The following RIMS2 variants were observed in gnomAD, a reference collection of about 807,000 sequenced individuals.
The protein encoded by RIMS2 is regulating synaptic membrane exocytosis 2, also known as regulating synaptic membrane exocytosis protein 2.
In RIMS2, 59 loss-of-function variants were observed where a neutral mutation model predicts 174.4. That is an observed-to-expected ratio of 0.34 (90% CI 0.27 to 0.42). RIMS2 has a LOEUF of 0.42. RIMS2 is among the 10% of genes least tolerant of loss of function. The pLI, the probability that RIMS2 is intolerant of heterozygous loss-of-function variation, is 1.00. For missense variants in RIMS2, 1,620 were observed against 1,666.3 expected (o/e 0.97, Z 0.48); for synonymous variants, 606 against 572.5 (o/e 1.06, Z -0.84).
chr8:103,912,447 G>A (rs564212971), intron 6 of RIMS2, among the ~76,000 whole-genome samples: 13 of 151,946 alleles, frequency 8.6e-5, no homozygotes, highest in South Asian at 2.1e-4. Context: ...TACAGTGGTC[G>A]AATGTATTTT....
chr8:103,580,579 G>C (rs1215625597), intron 1 of RIMS2, among the ~76,000 whole-genome samples: 1 of 152,034 alleles, frequency 6.6e-6, no homozygotes, highest in Admixed American at 6.6e-5. Flanking sequence ...TAAATCTAAT[G>C]GGAGAGATAG....
chr8:103,834,509 C>T (rs1388020561), intron 3 of RIMS2, among the ~76,000 whole-genome samples: 1 of 150,926 alleles, frequency 6.6e-6, no homozygotes, highest in Non-Finnish European at 1.5e-5. Context: ...AGAAGAGCTC[C>T]TTGAAGTCTT....
At chr8:103,971,539 T>C (rs1237400813) in intron 15 of RIMS2, among the ~76,000 whole-genome samples, 2 of 152,110 alleles carry the variant, frequency 1.3e-5, no homozygotes, top group Non-Finnish European at 2.9e-5. Context: ...TCAACCTTAA[T>C]AAACTTTTCT....
At chr8:103,960,070 A>AT (rs1046493801) in intron 14 of RIMS2, among the ~76,000 whole-genome samples, 4 of 152,150 alleles carry the variant, frequency 2.6e-5, no homozygotes, top group African/African-American at 7.2e-5. Flanking sequence ...CAGGAGCTGG[A>AT]TTTTTTTAAA....
At chr8:103,687,585 A>G (rs907407262) in intron 1 of RIMS2, among the ~76,000 whole-genome samples, 4 of 152,078 alleles carry the variant, frequency 2.6e-5, no homozygotes, top group South Asian at 2.1e-4. Context: ...GTTATTAACT[A>G]TAGACATCAT....
intron 3 of RIMS2, among the ~76,000 whole-genome samples, chr8:103,859,930 C>CT (rs1321358015): frequency 6.6e-6 from 1 of 152,032 alleles, no homozygotes; most frequent in Non-Finnish European, 1.5e-5. Context: ...TGGACAGACT[C>CT]TATCACTTGG....
At chr8:103,761,694 T>C (rs555735750) in intron 2 of RIMS2, among the ~76,000 whole-genome samples, 1 of 152,338 alleles carries the variant, frequency 6.6e-6, no homozygotes, top group African/African-American at 2.4e-5. Flanking sequence ...AGTTGTTGAA[T>C]AGCTAGCCAG....
chr8:103,579,948 G>C (rs1554646642), intron 1 of RIMS2, among the ~76,000 whole-genome samples: 5 of 152,134 alleles, frequency 3.3e-5, no homozygotes, highest in Non-Finnish European at 1.5e-5. Context: ...TAAACAACCA[G>C]ATCTGGTGAG....
chr8:104,088,222 T>G (rs1566291295), intron 19 of RIMS2, among the ~76,000 whole-genome samples: 1 of 152,118 alleles, frequency 6.6e-6, no homozygotes. Flanking sequence ...AGAGAAAAAG[T>G]ACCTGCAATT....
chr8:103,612,266 C>G (rs181067511), intron 1 of RIMS2, among the ~76,000 whole-genome samples: 2 of 152,250 alleles, frequency 1.3e-5, no homozygotes, highest in East Asian at 3.9e-4. Context: ...ACATGTCTCT[C>G]TATTTTCAGG....
chr8:103,642,599 T>G (rs2096252316), intron 1 of RIMS2, among the ~76,000 whole-genome samples: 2 of 152,130 alleles, frequency 1.3e-5, no homozygotes, highest in African/African-American at 2.4e-5. Flanking sequence ...TAATATTCCT[T>G]GCAAGGCAGA....
chr8:104,175,411 G>A (rs955617248), intron 19 of RIMS2, among the ~76,000 whole-genome samples: 2 of 151,838 alleles, frequency 1.3e-5, no homozygotes, highest in African/African-American at 4.8e-5. Flanking sequence ...AGGGTAAATG[G>A]GGTCTCTATC....
chr8:104,046,238 T>A (rs949412862), intron 19 of RIMS2, among the ~76,000 whole-genome samples: 1 of 151,970 alleles, frequency 6.6e-6, no homozygotes, highest in Admixed American at 6.6e-5. Context: ...CCCTTTGTCT[T>A]AATATGAGAG....
intron 14 of RIMS2, among the ~76,000 whole-genome samples, chr8:103,957,429 TA>T (rs1338724397): frequency 6.6e-6 from 1 of 152,028 alleles, no homozygotes; most frequent in African/African-American, 2.4e-5. Flanking sequence ...TATGCAGCCA[TA>T]AAAAGGATGA....
At chr8:104,225,488 T>C (rs1330311296) in intron 19 of RIMS2, among the ~76,000 whole-genome samples, 1 of 152,238 alleles carries the variant, frequency 6.6e-6, no homozygotes, top group Non-Finnish European at 1.5e-5. Context: ...TTTTTATTTT[T>C]ACACCAAGTC....
chr8:103,813,532 C>T (rs1390407088), intron 3 of RIMS2, among the ~76,000 whole-genome samples: 1 of 152,052 alleles, frequency 6.6e-6, no homozygotes, highest in African/African-American at 2.4e-5. Flanking sequence ...AGGTGTATCT[C>T]CTAATGCTAT....
At chr8:103,608,452 T>C (rs1244198887) in intron 1 of RIMS2, among the ~76,000 whole-genome samples, 1 of 144,510 alleles carries the variant, frequency 6.9e-6, no homozygotes, top group Non-Finnish European at 1.5e-5. Context: ...TTTGTTTGTC[T>C]GTGCCCTGCC....
At chr8:103,985,562 A>T (rs1365454361) in intron 16 of RIMS2, among the ~76,000 whole-genome samples, 1 of 148,654 alleles carries the variant, frequency 6.7e-6, no homozygotes, top group African/African-American at 2.5e-5. Flanking sequence ...TGGATTTGGG[A>T]TTATTAAGTA....
chr8:103,607,249 C>A (rs1281391347), intron 1 of RIMS2, among the ~76,000 whole-genome samples: 1 of 151,958 alleles, frequency 6.6e-6, no homozygotes, highest in East Asian at 1.9e-4. Flanking sequence ...TTTATTTCTC[C>A]TTCACTTATG....
Sources: allele counts gnomAD v4.1 joint callset (sites outside exome capture counted in the v4.1 genomes callset), GRCh38; gene constraint gnomAD v4.1.1; transcripts MANE v1.5; gene names NCBI Gene and HGNC (gene_info 2026-07-23, HGNC 2026-07-21).